ZNF559: variants seen among roughly 807,000 people sequenced by gnomAD.
ZNF559 encodes putative protein product of Nbla00121.
A neutral mutation model predicts 14.2 loss-of-function variants in ZNF559; 17 were observed. The observed-to-expected ratio is 1.20, with a 90% CI of 0.82 to 1.80. The LOEUF is 1.80. Among genes scored for constraint, ZNF559 ranks in the 40% most tolerant of loss-of-function variants. The pLI, the probability that ZNF559 is intolerant of heterozygous loss-of-function variation, is 0.00. For synonymous variants in ZNF559, 244 were observed against 212.4 expected (o/e 1.15, Z -1.29); for missense variants, 740 against 629.7 (o/e 1.18, Z -1.88).
At chr19:9,336,898 C>T (rs914230110) in intron 2 of ZNF559, among the ~76,000 whole-genome samples, 1 of 152,120 alleles carries the variant, frequency 6.6e-6, no homozygotes, top group Non-Finnish European at 1.5e-5. Context: ...CCCTCACGCT[C>T]AGTGATGGAA....
upstream of ZNF559, chr19:9,324,098 G>T: frequency 2.0e-6 from 3 of 1,494,550 alleles, no homozygotes; most frequent in Non-Finnish European, 2.7e-6. Context: ...AGCCGCAGCA[G>T]CTGATGGGCC....
intron 2 of ZNF559, chr19:9,330,225 C>T (rs944640547): frequency 6.6e-6 from 1 of 152,148 alleles, no homozygotes; most frequent in African/African-American, 2.4e-5. Flanking sequence ...TGTAGTAAGT[C>T]ATTTTTCTCT....
chr19:9,324,256 G>T (rs1171690176), intron 1 of ZNF559, 28 bp downstream of exon 1: 2 of 1,535,956 alleles, frequency 1.3e-6, no homozygotes, highest in East Asian at 2.4e-5. Context: ...GGCGGCGTTC[G>T]GTGGTGTCCC....
intron 2 of ZNF559, among the ~76,000 whole-genome samples, chr19:9,326,003 C>T (rs2066574024): frequency 6.6e-6 from 1 of 152,078 alleles, no homozygotes; most frequent in African/African-American, 2.4e-5. Context: ...AATCAGATTT[C>T]CCCAGCTGTC....
At chr19:9,338,809 T>C (rs548067704) in intron 4 of ZNF559, among the ~76,000 whole-genome samples, 1 of 152,324 alleles carries the variant, frequency 6.6e-6, no homozygotes. Context: ...CTGTCATCCA[T>C]GCTGATATGC....
Position 9,337,792 on chromosome 19 carries a change from G to T in ZNF559, c.-119-4G>T. On this transcript the variant is annotated splice_region_variant and splice_polypyrimidine_tract_variant and intron_variant, in intron 2 of 6. Transcript: ENST00000603380. ...ACTCACATGAACAACTTCATCTTCT[G>T]CAGAGAGATGGCTAATGAATGGCGC... 2 of 1,438,048 alleles carry T rather than the reference G, an allele frequency of 1.4e-6. No homozygotes were observed. Among genetic ancestry groups the T allele is most frequent in the Non-Finnish European group, 1.8e-6 (2 of 1,099,062 alleles). 89.1% of individuals were successfully genotyped at this position (1,438,048 alleles called of 1,614,324 possible).
chr19:9,340,659 C>T (rs544026439), intron 5 of ZNF559, among the ~76,000 whole-genome samples: 21 of 150,622 alleles, frequency 1.4e-4, no homozygotes, highest in African/African-American at 2.9e-4. Flanking sequence ...CTCTGCCTTC[C>T]GGGTTCAAGT....
intron 6 of ZNF559, 138 bp downstream of exon 6, chr19:9,341,322 G>C: frequency 1.2e-6 from 1 of 859,890 alleles, no homozygotes; most frequent in African/African-American, 1.7e-5. Context: ...GTCTCTTGGA[G>C]AGACTATGGA....
chr19:9,324,238 T>C lies in ZNF559; in HGVS notation c.-206+10T>C. 1 of 1,536,084 alleles carries C rather than the reference T, an allele frequency of 6.5e-7. No homozygotes were observed. Among genetic ancestry groups the C allele is most frequent in the African/African-American group, 1.4e-5 (1 of 73,160 alleles). ...CCCGTTGGCGTCTGAGGTAAGTTTT[T>C]GTTTCTGGGCGGCGTTCGGTGGTGT... On this transcript the variant is annotated intron_variant, in intron 1 of 6. Transcript: ENST00000603380.
chr19:9,337,888 A>G, intron 3 of ZNF559, 30 bp downstream of exon 3: 4 of 1,531,074 alleles, frequency 2.6e-6, no homozygotes, highest in South Asian at 1.2e-5. Flanking sequence ...CTACTACTTA[A>G]TCAAGAGGAA....
In ZNF559 at chr19:9,345,368, G is replaced by A. The variant is rs1434390536; in HGVS notation, c.*2300G>A. 6.6e-6 allele frequency: 1 copy of A among 152,194 alleles called. No individual in the cohort carries two copies. Among genetic ancestry groups the A allele is most frequent in the African/African-American group, 2.4e-5 (1 of 41,468 alleles). 9.4% of individuals were successfully genotyped at this position (152,194 alleles called of 1,614,324 possible). A position where few individuals can be genotyped will look rare whatever the true frequency, so the allele number is the denominator to read the frequency against. On this transcript the variant is annotated 3_prime_UTR_variant, in exon 7 of 7. Coordinates refer to ENST00000603380, the MANE Select transcript of ZNF559 (RefSeq NM_032497.3). ...TTAGTGTACGTTTAAGTTTTTAAGAGACTGCTAAACCTTTCTCAAGTAGTT... is the reference window on the plus strand; with the variant it reads ...TTAGTGTACGTTTAAGTTTTTAAGAAACTGCTAAACCTTTCTCAAGTAGTT...
rs1230103030 is a variant in ZNF559 at position 9,341,837 on chromosome 19, GA to G, written c.390del (p.Lys130AsnfsTer75). The stretch of plus-strand genomic sequence containing the variant: ...TGTAATCAATGTGAAAAAGCCTTCA[GA>G]AAACCCTCTATCTTTACTTTACACA... ...CECNQCEKAFRKPSIFTLHKK... is the reference protein window; with the variant it reads ...CECNQCEKAFXKPSIFTLHKK... On this transcript the variant is annotated frameshift_variant, in exon 7 of 7. Coordinates refer to ENST00000603380, the MANE Select transcript of ZNF559 (RefSeq NM_032497.3). LOFTEE classifies it low-confidence loss of function (END_TRUNC). 1 of 1,610,778 alleles carries G rather than the reference GA, an allele frequency of 6.2e-7. No homozygotes were observed.
chr19:9,338,028 A>G (rs2067337044), intron 3 of ZNF559, 170 bp downstream of exon 3: 1 of 1,533,930 alleles, frequency 6.5e-7, no homozygotes, highest in Non-Finnish European at 8.7e-7. Flanking sequence ...GTAAGTCCGT[A>G]TTGATGGTCC....
chr19:9,331,198 G>T (rs1261100290), intron 2 of ZNF559, among the ~76,000 whole-genome samples: 1 of 152,166 alleles, frequency 6.6e-6, no homozygotes, highest in Non-Finnish European at 1.5e-5. Flanking sequence ...CCTCTGAGAG[G>T]TCAGGAGGTC....
chr19:9,324,418 G>T, intron 1 of ZNF559, 190 bp downstream of exon 1: 2 of 1,444,890 alleles, frequency 1.4e-6, no homozygotes, highest in South Asian at 1.5e-5. Flanking sequence ...TGTCCTCAGG[G>T]GTCGAGGCGG....
intron 2 of ZNF559, among the ~76,000 whole-genome samples, chr19:9,329,635 G>A (rs56282613): frequency 0.11 from 16,937 of 152,130 alleles, 1,117 homozygotes; most frequent in African/African-American, 0.19. Context: ...AAATTAAAAC[G>A]AGTCTCTTGT....
chr19:9,324,194 G>T lies in ZNF559; in HGVS notation c.-240G>T. On this transcript the variant is annotated 5_prime_UTR_variant, in exon 1 of 7. Coordinates refer to ENST00000603380, the MANE Select transcript of ZNF559 (RefSeq NM_032497.3). ...GCGTGGGCGCATGCGCATAACGGCC[G>T]CCATCTTAACAGCGCGTTCCCGTTG... 4.6e-6 allele frequency: 7 copies of T among 1,536,072 alleles called. No individual in the cohort carries two copies. The highest frequency in any genetic ancestry group is 6.1e-6 in the Non-Finnish European group (7 of 1,146,876).
At chr19:9,333,798 G>A (rs139072214) in intron 2 of ZNF559, among the ~76,000 whole-genome samples, 12 of 148,674 alleles carry the variant, frequency 8.1e-5, no homozygotes, top group South Asian at 4.2e-4. Context: ...ACTCTTACAC[G>A]TTAATTCCAA....
Position 9,342,391 on chromosome 19 carries a change from A to G in ZNF559, c.940A>G (p.Ile314Val), listed in dbSNP as rs1458306082. ...ATTTACTTGTTTCTCAAAACTCAAC[A>G]TTCACATAAGGGTTCACACTGGAGA... ...KEFTCFSKLNIHIRVHTGEKP... is the reference protein window; with the variant it reads ...KEFTCFSKLNVHIRVHTGEKP... Residue 314 changes from isoleucine (I) to valine (V), a missense_variant, in exon 7 of 7, where the codon ATT becomes GTT. Ile to Val is a conservative substitution (Grantham distance 29). Coordinates refer to ENST00000603380, the MANE Select transcript of ZNF559 (RefSeq NM_032497.3). 2.5e-6 allele frequency: 4 copies of G among 1,610,450 alleles called. No individual in the cohort carries two copies. Among genetic ancestry groups the G allele is most frequent in the South Asian group, 1.1e-5 (1 of 90,262 alleles).
Sources: gnomAD v4.1 joint callset for allele counts (sites outside exome capture counted in the v4.1 genomes callset) on GRCh38, gnomAD v4.1.1 for gene constraint, MANE v1.5 for transcripts, NCBI Gene and HGNC (gene_info 2026-07-23, HGNC 2026-07-21) for gene names.